Variants in HTR3C observed in about 807,000 individuals in gnomAD.
HTR3C encodes the protein 5-HT3-C.
Under a neutral mutation model 40.5 loss-of-function variants are expected in HTR3C, and 32 were observed. The observed-to-expected ratio is 0.79, with a 90% CI of 0.60 to 1.06. The LOEUF (loss-of-function observed/expected upper bound fraction) is 1.06, where lower values mean the gene tolerates loss of function less well. Ranked by LOEUF, HTR3C falls within the 50% of genes least tolerant of loss-of-function variation. HTR3C has a pLI of 0.00. For missense variants in HTR3C, 523 were observed against 556.8 expected, an observed-to-expected ratio of 0.94 and a Z score of 0.61; for synonymous variants, 209 against 217.1, an observed-to-expected ratio of 0.96 and a Z score of 0.33.
In HTR3C at chr3:184,060,361, C is replaced by A. The variant is rs778772748; in HGVS notation, c.*9C>A. The A allele has an allele frequency of 1.9e-6, 3 of 1,614,048 alleles. No homozygotes were observed. The highest frequency in any genetic ancestry group is 2.2e-5 in the East Asian group (1 of 44,874). On this transcript the variant is annotated 3_prime_UTR_variant, in exon 9 of 9. Coordinates refer to ENST00000318351, the MANE Select transcript of HTR3C (RefSeq NM_130770.3). ...TCCTCTGGAACACCTAGGCAGACAT[C>A]CCCCCTCTCTGGCAAACAACAGCTT...
intron 1 of HTR3C, among the ~76,000 whole-genome samples, chr3:184,053,785 C>A (rs1002242811): frequency 1.3e-5 from 2 of 151,582 alleles, no homozygotes; most frequent in African/African-American, 2.4e-5. Context: ...CATGAAGTGT[C>A]GCTCTGTCGC....
chr3:184,058,592 G>C lies in HTR3C; in HGVS notation c.720+5G>C, dbSNP rs1723379928. 6.2e-7 allele frequency: 1 copy of C among 1,606,404 alleles called. No homozygotes were observed. The highest frequency in any genetic ancestry group is 1.7e-5 in the Admixed American group (1 of 58,548). Reference sequence around the variant, plus strand: ...TATGACCAGATCATGTTTTATGTGAGTCCAGGGGCCCCTGTTTGACTTCTG... The same window carrying C: ...TATGACCAGATCATGTTTTATGTGACTCCAGGGGCCCCTGTTTGACTTCTG... On this transcript the variant is annotated splice_donor_5th_base_variant and intron_variant, in intron 6 of 8. Coordinates refer to ENST00000318351, the MANE Select transcript of HTR3C (RefSeq NM_130770.3).
intron 6 of HTR3C, 77 bp from the exon 7 acceptor site, chr3:184,059,359 C>A: frequency 1.5e-6 from 2 of 1,359,954 alleles, no homozygotes; most frequent in South Asian, 1.2e-5. Context: ...AGCACATTGG[C>A]AAAGATTAGG....
At position 184,059,917 on chromosome 3, in the gene HTR3C, C is replaced by G. The variant is rs2108973476; in HGVS notation, c.1015C>G (p.Gln339Glu). ...ITYLLHVATT[Q>E]PPPMPRWLHS... is the part of the protein sequence containing the mutation. ...CTACCTGCTGCACGTGGCCACCACCCAGCCCCCACCCATGCCTAGGTGGCT... is the reference window on the plus strand; with the variant it reads ...CTACCTGCTGCACGTGGCCACCACCGAGCCCCCACCCATGCCTAGGTGGCT... The change falls in exon 8 of 9, where the codon CAG (glutamine) becomes GAG (glutamate). Residue 339 changes from glutamine to glutamate, a missense_variant. By Grantham distance (29) the Gln-to-Glu change is conservative. Coordinates refer to ENST00000318351, the MANE Select transcript of HTR3C (RefSeq NM_130770.3). The G allele has an allele frequency of 6.2e-7, 1 of 1,613,924 alleles. No homozygotes were observed. The highest frequency in any genetic ancestry group is 2.2e-5 in the East Asian group (1 of 44,872).
In HTR3C at chr3:184,060,489, G is replaced by A. The variant is rs777739675; in HGVS notation, c.*137G>A. On this transcript the variant is annotated 3_prime_UTR_variant, in exon 9 of 9. Coordinates refer to ENST00000318351, the MANE Select transcript of HTR3C (RefSeq NM_130770.3). ...CCTTCTAAATTCCAAAGACTCCAAC[G>A]CAGCACTAGCAAGCAGGTTCGGGAC... 4.5e-6 allele frequency: 5 copies of A among 1,107,700 alleles called. No homozygotes were observed. Among genetic ancestry groups the A allele is most frequent in the East Asian group, 4.8e-5 (2 of 41,576 alleles). 68.6% of individuals were successfully genotyped at this position (1,107,700 alleles called of 1,614,324 possible). A position where few individuals can be genotyped will look rare whatever the true frequency, so the allele number is the denominator to read the frequency against.
At chr3:184,058,322 G>A in intron 5 of HTR3C, 105 bp from the exon 6 acceptor site, 1 of 1,198,340 alleles carries the variant, frequency 8.3e-7, no homozygotes, top group Non-Finnish European at 1.1e-6. Flanking sequence ...GCTTTAAAAG[G>A]ATAGAGGAAA....
At chr3:184,053,175 C>A (rs1364035442) in intron 1 of HTR3C, 28 bp downstream of exon 1, 2 of 1,587,542 alleles carry the variant, frequency 1.3e-6, no homozygotes, top group Non-Finnish European at 1.7e-6. Flanking sequence ...CAGGGAAGAC[C>A]AGAGTGTGGT....
At chr3:184,055,893 A>AAAAAAAAAG in intron 3 of HTR3C, among the ~76,000 whole-genome samples, 1 of 147,466 alleles carries the variant, frequency 6.8e-6, no homozygotes, top group Non-Finnish European at 1.5e-5. Flanking sequence ...TCAAAAAAAA[A>AAAAAAAAAG]AAAAAAAAAA....
chr3:184,059,860 G>T lies in HTR3C; in HGVS notation c.958G>T (p.Val320Leu). 1 of 1,614,006 alleles carries T rather than the reference G, an allele frequency of 6.2e-7. No individual in the cohort carries two copies. Among genetic ancestry groups the T allele is most frequent in the South Asian group, 1.1e-5 (1 of 91,074 alleles). Residue 320 changes from valine to leucine, a missense_variant, in exon 8 of 9, where the codon GTG (valine) becomes TTG (leucine). Transcript: ENST00000318351. ...VYFALCLSLMVVSLLETVFIT... is the reference protein window; with the variant it reads ...VYFALCLSLMLVSLLETVFIT... ...CTTCGCCCTGTGCCTGTCCCTGATG[G>T]TGGTCAGCCTGCTGGAGACCGTCTT... is the stretch of plus-strand genomic sequence containing the variant.
In HTR3C at chr3:184,058,493, TC is replaced by T. The variant is rs1723376622; in HGVS notation, c.628del (p.Gln210LysfsTer43). 1.2e-6 allele frequency: 2 copies of T among 1,613,320 alleles called. No individual in the cohort carries two copies. Among genetic ancestry groups the T allele is most frequent in the Non-Finnish European group, 8.5e-7 (1 of 1,179,760 alleles). The stretch of plus-strand genomic sequence containing the variant: ...ATCACAGACACGTCTCGCAAAGTCA[TC>T]CAAACCCAGGGGGAGTGGGAGCTCT... Reference protein sequence around the residue: ...WEITDTSRKVIQTQGEWELLG... With the variant: ...WEITDTSRKVXQTQGEWELLG... On this transcript the variant is annotated frameshift_variant, in exon 6 of 9. Transcript: ENST00000318351. LOFTEE classifies it high-confidence loss of function.
At chr3:184,058,041 T>C (rs1003898222) in intron 5 of HTR3C, among the ~76,000 whole-genome samples, 1 of 152,160 alleles carries the variant, frequency 6.6e-6, no homozygotes, top group African/African-American at 2.4e-5. Context: ...TTGGATAAAC[T>C]AAAACCATCA....
In HTR3C at chr3:184,055,375, T is replaced by C. The variant is rs780766142; in HGVS notation, c.279+19T>C. 3 of 1,553,240 alleles carry C rather than the reference T, an allele frequency of 1.9e-6. No individual in the cohort carries two copies. The highest frequency in any genetic ancestry group is 2.2e-5 in the East Asian group (1 of 44,576). On this transcript the variant is annotated intron_variant, in intron 3 of 8. Coordinates refer to ENST00000318351, the MANE Select transcript of HTR3C (RefSeq NM_130770.3). ...GGATTTGGTAAGGCAGATTCAACTATCTCCTCCCCACTTCATTTATAATTT... is the reference window on the plus strand; with the variant it reads ...GGATTTGGTAAGGCAGATTCAACTACCTCCTCCCCACTTCATTTATAATTT...
Position 184,058,719 on chromosome 3 carries a change from C to A in HTR3C, c.720+132C>A. ...GTGGCTCACACCTGTAATCCCAGTA[C>A]TTTGGGAGGCCGAGGGAGGCGGATC... On this transcript the variant is annotated intron_variant, in intron 6 of 8. Coordinates refer to ENST00000318351, the MANE Select transcript of HTR3C (RefSeq NM_130770.3). The A allele has an allele frequency of 8.3e-6, 8 of 969,282 alleles. No individual in the cohort carries two copies. In the South Asian group the frequency reaches 1.2e-4, roughly 15 times the overall value. The allele number at this position is 969,282 out of a possible 1,614,324, so 60.0% of individuals were successfully genotyped here.
At chr3:184,057,199 T>A (rs1723345881) in intron 5 of HTR3C, among the ~76,000 whole-genome samples, 155 bp downstream of exon 5, 1 of 152,186 alleles carries the variant, frequency 6.6e-6, no homozygotes, top group African/African-American at 2.4e-5. Flanking sequence ...GCACAGTGGT[T>A]CACACTGTAA....
At chr3:184,055,468 C>T (rs1374976999) in intron 3 of HTR3C, 112 bp downstream of exon 3, 1 of 793,042 alleles carries the variant, frequency 1.3e-6, no homozygotes, top group Non-Finnish European at 2.2e-6. Flanking sequence ...AATCCCAGCA[C>T]TTTGGGAGGC....
At chr3:184,054,156 C>T (rs1270166011) in intron 1 of HTR3C, among the ~76,000 whole-genome samples, 1 of 152,160 alleles carries the variant, frequency 6.6e-6, no homozygotes, top group Non-Finnish European at 1.5e-5. Flanking sequence ...GTCACTAAAT[C>T]TGAGAAGAGC....
In HTR3C at chr3:184,056,110, A is replaced by G. The variant is rs549939662; in HGVS notation, c.280-67A>G. On this transcript the variant is annotated intron_variant, in intron 3 of 8. Coordinates refer to ENST00000318351, the MANE Select transcript of HTR3C (RefSeq NM_130770.3). Reference sequence around the variant, plus strand: ...GATCAAGGTTTAAAGAAGAATGGAAAGGGTGGGAGAGGCCGACAGGACAAG... The same window carrying G: ...GATCAAGGTTTAAAGAAGAATGGAAGGGGTGGGAGAGGCCGACAGGACAAG... 117 of 959,204 alleles carry G rather than the reference A, an allele frequency of 1.2e-4. 1 individual carries two copies. The highest frequency in any genetic ancestry group is 1.2e-3 in the South Asian group (91 of 75,560). 59.4% of individuals were successfully genotyped at this position (959,204 alleles called of 1,614,324 possible).
At position 184,058,433 on chromosome 3, in the gene HTR3C, G is replaced by C; in HGVS notation, c.566G>C (p.Ser189Thr). 10 of 1,606,628 alleles carry C rather than the reference G, an allele frequency of 6.2e-6. No individual in the cohort carries two copies. Among genetic ancestry groups the C allele is most frequent in the Non-Finnish European group, 7.6e-6 (9 of 1,177,320 alleles). The change falls in exon 6 of 9, where the codon AGC (serine) becomes ACC (threonine). Residue 189 changes from serine to threonine, a missense_variant. Transcript: ENST00000318351. ...TFSSFLYTVDSMLLGMDKEVW... is the reference protein window; with the variant it reads ...TFSSFLYTVDTMLLGMDKEVW... ...TGACCGGCCTCCCTTCCAGTGGACA[G>C]CATGCTGCTGGGCATGGACAAGGAG...
Position 184,059,722 on chromosome 3 carries a change from T to C in HTR3C, c.925+82T>C, listed in dbSNP as rs189939503. 5.0e-4 allele frequency: 795 copies of C among 1,591,816 alleles called. 6 individuals carry two copies. The East Asian group carries it at 0.015, about 31-fold the overall frequency. On this transcript the variant is annotated intron_variant, in intron 7 of 8. Transcript: ENST00000318351. ...CCAGGAGAAATGGCCGCTGCTCCAC[T>C]GAAGGAAGGAAGGGGCTGTGAAAGA...
Sources: allele counts gnomAD v4.1 joint callset (sites outside exome capture counted in the v4.1 genomes callset), GRCh38; gene constraint gnomAD v4.1.1; transcripts MANE v1.5; gene names NCBI Gene and HGNC (gene_info 2026-07-23, HGNC 2026-07-21).